Variants in ZNF26 observed in about 807,000 individuals in gnomAD.
The protein encoded by ZNF26 is epididymis luminal protein 179.
ZNF26 carries 32 observed loss-of-function variants against 54.9 expected under a neutral mutation model. That is an observed-to-expected ratio of 0.58 (90% CI 0.44 to 0.78). The LOEUF is 0.78. Ranked by LOEUF, ZNF26 falls within the 30% of genes least tolerant of loss-of-function variation. The pLI is 0.00. For synonymous variants in ZNF26, 221 were observed against 209.2 expected (o/e 1.06, Z -0.49); for missense variants, 524 against 634.0 (o/e 0.83, Z 1.86).
intron 1 of ZNF26, among the ~76,000 whole-genome samples, chr12:132,995,808 T>C (rs1051584168): frequency 5.3e-4 from 80 of 152,216 alleles, no homozygotes; most frequent in African/African-American, 1.8e-3. Context: ...CCCACCACCA[T>C]GCCTGGATAA....
At chr12:132,989,793 A>G (rs963329236) in intron 1 of ZNF26, among the ~76,000 whole-genome samples, 1 of 152,152 alleles carries the variant, frequency 6.6e-6, no homozygotes, top group Non-Finnish European at 1.5e-5. Flanking sequence ...TACAATGTTG[A>G]AAAAGAGTGG....
At position 133,026,634 on chromosome 12, in the gene ZNF26, A is replaced by G. The variant is rs1056922942; in HGVS notation, c.*15153A>G. ...CTCCGCCTCCAAGGTTCAAGTGATT[A>G]TCATGCCTCAGCCTCCCAAGTAGCT... is the stretch of plus-strand genomic sequence containing the variant. On this transcript the variant is annotated 3_prime_UTR_variant, in exon 4 of 4. Coordinates refer to ENST00000328654, the MANE Select transcript of ZNF26 (RefSeq NM_019591.4). 45 of 147,530 alleles carry G rather than the reference A, an allele frequency of 3.1e-4. No homozygotes were observed. The highest frequency in any genetic ancestry group is 3.0e-3 in the Admixed American group (44 of 14,716). The allele number at this position is 147,530 out of a possible 1,614,324, so 9.1% of individuals were successfully genotyped here. A position where few individuals can be genotyped will look rare whatever the true frequency, so the allele number is the denominator to read the frequency against.
rs1952826821 is a variant in ZNF26, at chr12:132,986,676, G to A, written c.-165G>A. ...TCTAGTCACGCGCGGTCTGTGTTGGGCGAGAGCTGAGGAGCCGGCGTCCCT... is the reference window on the plus strand; with the variant it reads ...TCTAGTCACGCGCGGTCTGTGTTGGACGAGAGCTGAGGAGCCGGCGTCCCT... On this transcript the variant is annotated 5_prime_UTR_variant, in exon 1 of 4. Coordinates refer to ENST00000328654, the MANE Select transcript of ZNF26 (RefSeq NM_019591.4). 4 of 668,384 alleles carry A rather than the reference G, an allele frequency of 6.0e-6. No individual in the cohort carries two copies. Among genetic ancestry groups the A allele is most frequent in the South Asian group, 3.6e-5 (2 of 54,894 alleles). The allele number at this position is 668,384 out of a possible 1,614,324, so 41.4% of individuals were successfully genotyped here.
At chr12:132,986,896 T>C in intron 1 of ZNF26, 23 bp downstream of exon 1, 1 of 1,598,844 alleles carries the variant, frequency 6.3e-7, no homozygotes, top group African/African-American at 1.3e-5. Context: ...TTTCCGTGTT[T>C]AAAATTCGAC....
At chr12:132,991,767 G>A (rs2137213543) in intron 1 of ZNF26, among the ~76,000 whole-genome samples, 2 of 152,210 alleles carry the variant, frequency 1.3e-5, no homozygotes, top group African/African-American at 4.8e-5. Flanking sequence ...TTAGGCAACA[G>A]AGCGAGACCG....
chr12:132,987,783 T>G, intron 1 of ZNF26: 9 of 964,288 alleles, frequency 9.3e-6, no homozygotes, highest in Non-Finnish European at 1.1e-5. Context: ...GGACTCAGGT[T>G]AATGAAAGGA....
At position 133,015,179 on chromosome 12, in the gene ZNF26, T is replaced by TC. The variant is rs1235654392; in HGVS notation, c.*3701dup. The TC allele has an allele frequency of 1.3e-5, 2 of 151,284 alleles. No individual in the cohort carries two copies. The highest frequency in any genetic ancestry group is 2.9e-5 in the Non-Finnish European group (2 of 67,862). 9.4% of individuals were successfully genotyped at this position (151,284 alleles called of 1,614,324 possible). A position where few individuals can be genotyped will look rare whatever the true frequency, so the allele number is the denominator to read the frequency against. On this transcript the variant is annotated 3_prime_UTR_variant, in exon 4 of 4. Coordinates refer to ENST00000328654, the MANE Select transcript of ZNF26 (RefSeq NM_019591.4). ...GTTCAGCCTGGCCAATATGGTGAAA[T>TC]CCCGTCTCAACTAAAAATACAAAAA...
At chr12:133,000,769 G>C in intron 1 of ZNF26, among the ~76,000 whole-genome samples, 1 of 151,992 alleles carries the variant, frequency 6.6e-6, no homozygotes, top group East Asian at 1.9e-4. Flanking sequence ...ATGTTGGCCA[G>C]GCTGGTCTTG....
At chr12:133,005,720 A>G (rs1256996711) in intron 1 of ZNF26, 1 of 152,196 alleles carries the variant, frequency 6.6e-6, no homozygotes, top group Admixed American at 6.6e-5. Context: ...ATAGGAAGAG[A>G]GACCTGAGCT....
intron 1 of ZNF26, among the ~76,000 whole-genome samples, chr12:132,994,059 A>G (rs1328302416): frequency 6.6e-6 from 1 of 152,054 alleles, no homozygotes; most frequent in Non-Finnish European, 1.5e-5. Context: ...AAACCCCAAT[A>G]TATTAGGCTC....
chr12:132,986,845 C>T lies in ZNF26; in HGVS notation c.5C>T (p.Ala2Val). The change falls in exon 1 of 4, where the codon GCC (alanine) becomes GTC (valine). Residue 2 changes from alanine to valine, a missense_variant. Physicochemically the swap from Ala to Val is moderately conservative, Grantham distance 64. Transcript: ENST00000328654. The part of the protein sequence containing the change: M[A>V]TSFRTASCWG... ...CGCGCGAACGTGGGCGTGGGGATGG[C>T]CACCAGTTTCCGGACAGCTTCGTGC... 3 of 1,606,390 alleles carry T rather than the reference C, an allele frequency of 1.9e-6. No individual in the cohort carries two copies. Among genetic ancestry groups the T allele is most frequent in the Middle Eastern group, 1.7e-4 (1 of 6,056 alleles).
At chr12:132,995,210 C>G (rs1305270404) in intron 1 of ZNF26, 1 of 152,608 alleles carries the variant, frequency 6.6e-6, no homozygotes. Context: ...ATTGCACCAC[C>G]ATAGTTGATG....
rs1953348073 is a variant in ZNF26, at chr12:133,007,061, A to G, written c.53A>G (p.Asp18Gly). ...TTTCAGGGATTATTGTCATTCAAGG[A>G]TATATCTATGGAGTTCACCTGGGAT... ...ASCWGLLSFK[D>G]ISMEFTWDEW... Residue 18 changes from aspartate to glycine, a missense_variant, in exon 2 of 4, where the codon GAT becomes GGT. Asp to Gly is a moderately conservative substitution (Grantham distance 94). Coordinates refer to ENST00000328654, the MANE Select transcript of ZNF26 (RefSeq NM_019591.4). 2 of 1,614,152 alleles carry G rather than the reference A, an allele frequency of 1.2e-6. No homozygotes were observed. The highest frequency in any genetic ancestry group is 3.3e-5 in the Admixed American group (2 of 60,026).
chr12:133,016,069 AT>A lies in ZNF26; in HGVS notation c.*4609del, dbSNP rs11366507. 38,857 of 117,762 alleles carry A rather than the reference AT, an allele frequency of 0.33. 4,712 individuals are homozygous for A. The highest frequency in any genetic ancestry group is 0.58 in the East Asian group (2,073 of 3,566). The allele number at this position is 117,762 out of a possible 1,614,324, so 7.3% of individuals were successfully genotyped here. ...TTTATTGTGAAAAAGTGTAGGGGTA[AT>A]TTTTTTTTTTTTTTTTTTTTGAGAC... On this transcript the variant is annotated 3_prime_UTR_variant, in exon 4 of 4. Transcript: ENST00000328654.
In ZNF26 at chr12:132,990,626, A is replaced by AT. The variant is rs764128007; in HGVS notation, c.33+3760dup. 2.0e-3 allele frequency among the ~76,000 whole-genome samples: 308 copies of AT among 152,126 alleles called. 1 individual carries two copies. The highest frequency in any genetic ancestry group is 4.8e-3 in the Admixed American group (74 of 15,262). On this transcript the variant is annotated intron_variant, in intron 1 of 3. Coordinates refer to ENST00000328654, the MANE Select transcript of ZNF26 (RefSeq NM_019591.4). ...GTAGAGGGAAAAAAAGATTGGTGTG[A>AT]TTTTTTTCCTTAAATGTTTGGTAGA...
intron 1 of ZNF26, among the ~76,000 whole-genome samples, chr12:132,993,016 C>A (rs1952996326): frequency 6.9e-6 from 1 of 144,128 alleles, no homozygotes; most frequent in Non-Finnish European, 1.5e-5. Context: ...TGTTTTTGAT[C>A]ACTAGTATTT....
chr12:132,986,955 C>G, intron 1 of ZNF26, 82 bp downstream of exon 1: 1 of 1,444,076 alleles, frequency 6.9e-7, no homozygotes, highest in Non-Finnish European at 9.5e-7. Context: ...ACTCCGGGAA[C>G]TGAACTCACA....
intron 1 of ZNF26, among the ~76,000 whole-genome samples, chr12:132,994,522 G>C (rs1445233214): frequency 8.5e-5 from 13 of 152,166 alleles, no homozygotes; most frequent in African/African-American, 3.1e-4. Flanking sequence ...CTCTCTCCTC[G>C]GAGGTAATCA....
chr12:133,011,389 C>A lies in ZNF26; in HGVS notation c.1510C>A (p.His504Asn). Residue 504 changes from histidine to asparagine, a missense_variant, in exon 4 of 4, where the codon CAC (histidine) becomes AAC (asparagine). Physicochemically the swap from His to Asn is moderately conservative, Grantham distance 68 (BLOSUM62 1). Transcript: ENST00000328654. ...ATCTCTCAGTGAACATCAGAGAGTT[C>A]ACACCGGAGAGAAACCATGGAAATG... is the stretch of plus-strand genomic sequence containing the variant. ...KSSLSEHQRV[H>N]TGEKPWKCSE... The A allele has an allele frequency of 6.2e-7, 1 of 1,611,352 alleles. No individual in the cohort carries two copies. The highest frequency in any genetic ancestry group is 1.1e-5 in the South Asian group (1 of 90,372).
Sources: gnomAD v4.1 joint callset for allele counts (sites outside exome capture counted in the v4.1 genomes callset) on GRCh38, gnomAD v4.1.1 for gene constraint, MANE v1.5 for transcripts, NCBI Gene and HGNC (gene_info 2026-07-23, HGNC 2026-07-21) for gene names.